SCEL: variants seen among roughly 807,000 people sequenced by gnomAD.
SCEL encodes the protein sciellin.
A neutral mutation model predicts 117.6 loss-of-function variants in SCEL; 113 were observed. The ratio of observed to expected loss-of-function variants is 0.96; its 90% CI spans 0.83 to 1.12. The LOEUF is 1.12. Ranked by LOEUF, SCEL falls within the 50% of genes most tolerant of loss-of-function variation. The pLI is 0.00. For synonymous variants in SCEL, 270 were observed against 256.2 expected (o/e 1.05, Z -0.51); for missense variants, 785 against 810.8 (o/e 0.97, Z 0.39).
intron 11 of SCEL, among the ~76,000 whole-genome samples, chr13:77,593,011 AC>A (rs1194540402): frequency 3.3e-5 from 5 of 151,762 alleles, no homozygotes; most frequent in African/African-American, 1.2e-4. Context: ...AAACATTTTC[AC>A]CCCTTTAGGG....
Position 77,602,050 on chromosome 13 carries a change from C to A in SCEL, c.918-15C>A. 1 of 1,598,344 alleles carries A rather than the reference C, an allele frequency of 6.3e-7. No homozygotes were observed. The highest frequency in any genetic ancestry group is 1.1e-5 in the South Asian group (1 of 88,320). The stretch of plus-strand genomic sequence containing the variant: ...CACTCTCTCTTTCTCTTTCTTTTCC[C>A]CCAATGTTGTAAAGAATCCAAAGCC... On this transcript the variant is annotated splice_polypyrimidine_tract_variant and intron_variant, in intron 15 of 32. Transcript: ENST00000349847.
intron 28 of SCEL, among the ~76,000 whole-genome samples, chr13:77,632,166 C>CT (rs2090053795): frequency 6.6e-6 from 1 of 152,184 alleles, no homozygotes; most frequent in Non-Finnish European, 1.5e-5. Context: ...AAGGTTATGG[C>CT]TTAAACATGT....
intron 5 of SCEL, among the ~76,000 whole-genome samples, chr13:77,566,104 T>C (rs112068112): frequency 6.5e-4 from 99 of 152,330 alleles, no homozygotes; most frequent in Non-Finnish European, 1.3e-3. Context: ...GATAGACTTA[T>C]TCCCCGGGTA....
At chr13:77,597,401 G>A (rs2087308148) in intron 12 of SCEL, 144 bp from the exon 13 acceptor site, 3 of 562,828 alleles carry the variant, frequency 5.3e-6, no homozygotes, top group Admixed American at 4.0e-5. Context: ...TGTTGGATGC[G>A]AGCTTTGAGG....
chr13:77,638,546 A>G (rs1017219062), intron 30 of SCEL, among the ~76,000 whole-genome samples: 2 of 152,342 alleles, frequency 1.3e-5, no homozygotes, highest in Admixed American at 6.5e-5. Flanking sequence ...AAGACTTTAA[A>G]CCCTATTCCT....
At chr13:77,637,311 T>TATATATAC (rs1567449420) in intron 30 of SCEL, 117 bp downstream of exon 30, 2 of 49,780 alleles carry the variant, frequency 4.0e-5, no homozygotes, top group Admixed American at 3.1e-4. Context: ...TATATATACA[T>TATATATAC]ATATATAAAT....
chr13:77,543,776 G>A (rs1460865613), intron 1 of SCEL, among the ~76,000 whole-genome samples: 2 of 152,130 alleles, frequency 1.3e-5, no homozygotes, highest in African/African-American at 2.4e-5. Flanking sequence ...ACATGATTTC[G>A]TTCTTTTTTT....
Position 77,642,827 on chromosome 13 carries a change from G to C in SCEL, c.2050+19G>C. On this transcript the variant is annotated intron_variant, in intron 32 of 32. Coordinates refer to ENST00000349847, the MANE Select transcript of SCEL (RefSeq NM_144777.3). The stretch of plus-strand genomic sequence containing the variant: ...ATTATGGGTAAGTGTTACACTCTAA[G>C]CATTTAACACTTTGGTTAACCTTAA... The C allele has an allele frequency of 3.7e-6, 5 of 1,367,772 alleles. No homozygotes were observed. Among genetic ancestry groups the C allele is most frequent in the Non-Finnish European group, 5.1e-6 (5 of 985,232 alleles). The allele number at this position is 1,367,772 out of a possible 1,614,324, so 84.7% of individuals were successfully genotyped here.
At chr13:77,602,439 T>C in intron 16 of SCEL, 4 of 504,180 alleles carry the variant, frequency 7.9e-6, no homozygotes, top group Non-Finnish European at 1.4e-5. Flanking sequence ...GAGAGCCACA[T>C]TGAGAAGCCT....
At chr13:77,561,387 G>A (rs780690080) in intron 4 of SCEL, among the ~76,000 whole-genome samples, 1 of 152,190 alleles carries the variant, frequency 6.6e-6, no homozygotes, top group Non-Finnish European at 1.5e-5. Context: ...TGTGGCTAAA[G>A]TATAATATCA....
chr13:77,564,636 C>G (rs1272436877), intron 5 of SCEL, among the ~76,000 whole-genome samples: 1 of 152,096 alleles, frequency 6.6e-6, no homozygotes, highest in East Asian at 1.9e-4. Context: ...TAAATAGGCA[C>G]CATAAGTACC....
intron 9 of SCEL, among the ~76,000 whole-genome samples, chr13:77,580,220 G>C (rs1567375331): frequency 6.6e-6 from 1 of 152,184 alleles, no homozygotes; most frequent in South Asian, 2.1e-4. Context: ...TGTCATCAAT[G>C]TAGAAAATTA....
chr13:77,607,379 T>A (rs899984303), intron 19 of SCEL, among the ~76,000 whole-genome samples: 11 of 152,190 alleles, frequency 7.2e-5, no homozygotes. Flanking sequence ...TTACACTTGA[T>A]ATTACTGTAA....
chr13:77,636,994 C>A, intron 29 of SCEL, 126 bp from the exon 30 acceptor site: 1 of 480,454 alleles, frequency 2.1e-6, no homozygotes, highest in Non-Finnish European at 3.7e-6. Context: ...GTCAGTACAT[C>A]ATCCTGGCTT....
intron 30 of SCEL, 119 bp from the exon 31 acceptor site, chr13:77,640,557 A>C: frequency 2.4e-6 from 1 of 418,428 alleles, no homozygotes; most frequent in Non-Finnish European, 4.2e-6. Flanking sequence ...TTTTTTTGTG[A>C]AATTTTCTAA....
chr13:77,574,268 A>G (rs1432434288), intron 9 of SCEL, among the ~76,000 whole-genome samples: 4 of 152,190 alleles, frequency 2.6e-5, no homozygotes, highest in South Asian at 2.1e-4. Flanking sequence ...ACTTGGCTCT[A>G]TGCCCTCCCT....
At chr13:77,580,807 C>T (rs992217692) in intron 9 of SCEL, among the ~76,000 whole-genome samples, 2 of 152,000 alleles carry the variant, frequency 1.3e-5, no homozygotes, top group Admixed American at 6.6e-5. Flanking sequence ...GTAGTAGAAA[C>T]GCATCTGGGA....
At chr13:77,539,121 G>T (rs1054781904) in intron 1 of SCEL, among the ~76,000 whole-genome samples, 1 of 152,140 alleles carries the variant, frequency 6.6e-6, no homozygotes, top group Admixed American at 6.6e-5. Context: ...CTGAAATCTA[G>T]ATAGACTTGA....
chr13:77,596,507 C>T (rs1305843440), intron 12 of SCEL, among the ~76,000 whole-genome samples: 1 of 152,100 alleles, frequency 6.6e-6, no homozygotes, highest in Non-Finnish European at 1.5e-5. Context: ...GATTAGTATT[C>T]TCATTTTACA....
Sources: gnomAD v4.1 joint callset for allele counts (sites outside exome capture counted in the v4.1 genomes callset) on GRCh38, gnomAD v4.1.1 for gene constraint, MANE v1.5 for transcripts, NCBI Gene and HGNC (gene_info 2026-07-23, HGNC 2026-07-21) for gene names.